DLGAP2: variants seen among roughly 807,000 people sequenced by gnomAD.
DLGAP2 encodes disks large-associated protein 2.
Under a neutral mutation model 100.3 loss-of-function variants are expected in DLGAP2, and 26 were observed. That is an observed-to-expected ratio of 0.26 (90% CI 0.19 to 0.36). The LOEUF (loss-of-function observed/expected upper bound fraction) is 0.36. DLGAP2 is among the 10% of genes least tolerant of loss of function. DLGAP2 has a pLI of 1.00. For synonymous variants in DLGAP2, 886 were observed against 630.1 expected, an observed-to-expected ratio of 1.41 and a Z score of -6.08; for missense variants, 1,858 against 1,453.2, an observed-to-expected ratio of 1.28 and a Z score of -4.53.
chr8:1,466,493 C>G (rs1235639378), intron 3 of DLGAP2, among the ~76,000 whole-genome samples: 2 of 150,812 alleles, frequency 1.3e-5, no homozygotes, highest in Non-Finnish European at 2.9e-5. Flanking sequence ...GTATCAGGTA[C>G]CAGGGTATAA....
intron 3 of DLGAP2, among the ~76,000 whole-genome samples, chr8:1,294,626 C>G (rs1414401513): frequency 6.6e-6 from 1 of 152,156 alleles, no homozygotes; most frequent in Non-Finnish European, 1.5e-5. Flanking sequence ...AGTACATAGG[C>G]TTTTTATTAT....
chr8:1,640,902 C>G (rs1797882229), intron 8 of DLGAP2, among the ~76,000 whole-genome samples: 1 of 152,238 alleles, frequency 6.6e-6, no homozygotes, highest in Admixed American at 6.5e-5. Flanking sequence ...GCCTTATGTA[C>G]TTTATCCGTT....
intron 4 of DLGAP2, among the ~76,000 whole-genome samples, chr8:1,516,552 T>G (rs935520569): frequency 2.3e-4 from 35 of 150,164 alleles, no homozygotes; most frequent in African/African-American, 8.4e-4. Context: ...CATGAATGAG[T>G]GAGTGAATGA....
At chr8:744,105 G>T (rs1328287903) in intron 1 of DLGAP2, among the ~76,000 whole-genome samples, 2 of 152,202 alleles carry the variant, frequency 1.3e-5, no homozygotes. Context: ...TATGGATGGA[G>T]CCATCATCGT....
intron 1 of DLGAP2, among the ~76,000 whole-genome samples, chr8:879,122 C>A (rs1026588576): frequency 6.6e-6 from 1 of 152,182 alleles, no homozygotes; most frequent in Admixed American, 6.5e-5. Context: ...CAAATGCCAT[C>A]TAAAATCTTA....
intron 13 of DLGAP2, 41 bp from the exon 14 acceptor site, chr8:1,697,106 G>T: frequency 1.3e-6 from 2 of 1,490,806 alleles, no homozygotes; most frequent in Non-Finnish European, 1.8e-6. Context: ...TGTGCCCGCA[G>T]GAGACTCTCC....
At chr8:1,222,584 G>A (rs923982814) in intron 2 of DLGAP2, among the ~76,000 whole-genome samples, 1 of 152,070 alleles carries the variant, frequency 6.6e-6, no homozygotes, top group Non-Finnish European at 1.5e-5. Flanking sequence ...AGATAGCAGG[G>A]GGAGTCTACA....
intron 2 of DLGAP2, among the ~76,000 whole-genome samples, chr8:988,683 T>C (rs1236479591): frequency 6.6e-6 from 1 of 152,146 alleles, no homozygotes; most frequent in Non-Finnish European, 1.5e-5. Context: ...GCTCTGACCT[T>C]CCATCTGATG....
At chr8:918,716 A>T (rs191284366) in intron 2 of DLGAP2, among the ~76,000 whole-genome samples, 200 of 152,344 alleles carry the variant, frequency 1.3e-3, no homozygotes, top group Middle Eastern at 3.4e-3. Flanking sequence ...CTTAACTAAG[A>T]TAATGTTGTT....
At position 1,632,839 on chromosome 8, in the gene DLGAP2, G is replaced by C. The variant is rs1797681647; in HGVS notation, c.1603G>C (p.Glu535Gln). ...ASCVSQVSEA[E>Q]INGQFESVCE... ...TTGATGATTGCAGGTGAGCGAGGCG[G>C]AGATCAATGGGCAATTCGAGTCCGT... The change falls in exon 8 of 15, where the codon GAG becomes CAG. Residue 535 changes from glutamate to glutamine, a missense_variant. Transcript: ENST00000637795. 6.2e-7 allele frequency: 1 copy of C among 1,610,498 alleles called. No homozygotes were observed. Among genetic ancestry groups the C allele is most frequent in the East Asian group, 2.2e-5 (1 of 44,808 alleles).
intron 2 of DLGAP2, among the ~76,000 whole-genome samples, chr8:1,125,360 A>G (rs1320129524): frequency 6.6e-6 from 1 of 152,214 alleles, no homozygotes; most frequent in Non-Finnish European, 1.5e-5. Flanking sequence ...ATCTTGATCA[A>G]ATTTTTTTTA....
rs1318871880 is a variant in DLGAP2 at position 1,697,281 on chromosome 8, G to T, written c.2931G>T (p.Met977Ile). Residue 977 changes from methionine to isoleucine, a missense_variant, in exon 14 of 15, where the codon ATG becomes ATT. By Grantham distance (10) the Met-to-Ile change is conservative. Coordinates refer to ENST00000637795, the MANE Select transcript of DLGAP2 (RefSeq NM_001346810.2). ...QRLRLNDWKM[M>I]ESPERKEERK... ...TGCGGCTCAACGACTGGAAGATGAT[G>T]GAGTCCCCGGAAAGAAAGGTAAGGG... 1 of 1,606,398 alleles carries T rather than the reference G, an allele frequency of 6.2e-7. No individual in the cohort carries two copies. Among genetic ancestry groups the T allele is most frequent in the African/African-American group, 1.3e-5 (1 of 74,690 alleles).
chr8:1,583,460 G>C (rs1022270985), intron 6 of DLGAP2, among the ~76,000 whole-genome samples: 17 of 152,182 alleles, frequency 1.1e-4, no homozygotes, highest in Admixed American at 4.6e-4. Context: ...ACTGGCCTGT[G>C]GCGGGTGGCT....
At chr8:749,519 A>T (rs937012790) in intron 1 of DLGAP2, among the ~76,000 whole-genome samples, 5 of 152,056 alleles carry the variant, frequency 3.3e-5, no homozygotes, top group Admixed American at 6.5e-5. Flanking sequence ...ACATCCTTTT[A>T]TAAGTTAATT....
chr8:1,044,461 G>A (rs1802461364), intron 2 of DLGAP2, among the ~76,000 whole-genome samples: 1 of 152,194 alleles, frequency 6.6e-6, no homozygotes, highest in African/African-American at 2.4e-5. Flanking sequence ...CACCGCACCT[G>A]CGTGACCACC....
rs2972172 is a variant in DLGAP2, at chr8:1,706,755, G to A, written c.*5349G>A. The A allele has an allele frequency of 0.38, 56,974 of 151,688 alleles. 12,048 individuals carry two copies. Among genetic ancestry groups the A allele is most frequent in the East Asian group, 0.59 (3,029 of 5,128 alleles). The allele number at this position is 151,688 out of a possible 1,614,324, so 9.4% of individuals were successfully genotyped here. A position where few individuals can be genotyped will look rare whatever the true frequency, so the allele number is the denominator to read the frequency against. On this transcript the variant is annotated 3_prime_UTR_variant, in exon 15 of 15. Transcript: ENST00000637795. ...AAAAATTATTTGGAAGCCGAAAACC[G>A]CATGGGTGGGGAAACATCAGGAACG...
chr8:796,029 A>G (rs71516106), intron 1 of DLGAP2, among the ~76,000 whole-genome samples: 2 of 145,404 alleles, frequency 1.4e-5, no homozygotes, highest in Non-Finnish European at 3.0e-5. Context: ...GCAGGCATCC[A>G]GTGAGAGCAG....
intron 4 of DLGAP2, among the ~76,000 whole-genome samples, chr8:1,506,724 T>C (rs901217409): frequency 2.6e-5 from 4 of 152,224 alleles, no homozygotes; most frequent in Non-Finnish European, 4.4e-5. Flanking sequence ...AAGAGCTGAT[T>C]GGTCTGTTTT....
intron 1 of DLGAP2, among the ~76,000 whole-genome samples, chr8:765,812 T>A (rs908196043): frequency 6.6e-6 from 1 of 152,020 alleles, no homozygotes; most frequent in African/African-American, 2.4e-5. Flanking sequence ...CACGCGATGA[T>A]GCACACACAA....
Sources: allele counts gnomAD v4.1 joint callset (sites outside exome capture counted in the v4.1 genomes callset), GRCh38; gene constraint gnomAD v4.1.1; transcripts MANE v1.5; gene names NCBI Gene and HGNC (gene_info 2026-07-23, HGNC 2026-07-21).